The following CACNA2D1 variants were observed in gnomAD, a reference collection of about 807,000 sequenced individuals.
CACNA2D1 encodes voltage-dependent calcium channel subunit alpha-2/delta-1.
A neutral mutation model predicts 171.5 loss-of-function variants in CACNA2D1; 53 were observed. The ratio of observed to expected loss-of-function variants is 0.31; its 90% confidence interval spans 0.25 to 0.39. CACNA2D1 has a LOEUF of 0.39. Ranked by LOEUF, CACNA2D1 falls within the 10% of genes least tolerant of loss-of-function variation. The pLI, the probability that CACNA2D1 is intolerant of heterozygous loss-of-function variation, is 1.00. For missense variants in CACNA2D1, 903 were observed against 1,299.8 expected, an observed-to-expected ratio of 0.69 and a Z score of 4.69; for synonymous variants, 442 against 443.1, an observed-to-expected ratio of 1.00 and a Z score of 0.03.
chr7:81,967,965 T>C (rs537891328), intron 29 of CACNA2D1, among the ~76,000 whole-genome samples: 114 of 151,606 alleles, frequency 7.5e-4, no homozygotes, highest in African/African-American at 2.7e-3. Context: ...TATTTTAAGA[T>C]GTTTCCCTAA....
At chr7:82,289,884 T>TA (rs1371788392) in intron 3 of CACNA2D1, among the ~76,000 whole-genome samples, 12 of 152,076 alleles carry the variant, frequency 7.9e-5, no homozygotes, top group African/African-American at 2.9e-4. Context: ...GGACATGACA[T>TA]ACTGTCCCCA....
At chr7:82,306,523 T>C (rs1253938536) in intron 3 of CACNA2D1, among the ~76,000 whole-genome samples, 1 of 152,202 alleles carries the variant, frequency 6.6e-6, no homozygotes, top group African/African-American at 2.4e-5. Context: ...GACTATCCAT[T>C]GTCACAGATT....
rs1796548568 is a variant in CACNA2D1 at position 81,982,552 on chromosome 7, T to A, written c.1955+15A>T. 6.5e-7 allele frequency: 1 copy of A among 1,536,992 alleles called. No homozygotes were observed. The highest frequency in any genetic ancestry group is 2.2e-5 in the East Asian group (1 of 44,450). ...CTACTGATAGAAGATGTATCAAAAATACAACAAAACCAACCTTGGTGCTAT... is the reference window on the plus strand; with the variant it reads ...CTACTGATAGAAGATGTATCAAAAAAACAACAAAACCAACCTTGGTGCTAT... On this transcript the variant is annotated intron_variant, in intron 24 of 38. Coordinates refer to ENST00000356860, the MANE Select transcript of CACNA2D1 (RefSeq NM_000722.4).
chr7:82,020,448 TATATA>T (rs1245340282), intron 12 of CACNA2D1, among the ~76,000 whole-genome samples: 4 of 152,272 alleles, frequency 2.6e-5, no homozygotes, highest in East Asian at 1.9e-4. Flanking sequence ...ATATTATTAT[TATATA>T]ATATGATTAT....
intron 3 of CACNA2D1, among the ~76,000 whole-genome samples, chr7:82,284,690 T>A (rs79491860): frequency 0.2 from 30,810 of 152,048 alleles, 3,612 homozygotes; most frequent in Non-Finnish European, 0.25. Flanking sequence ...GCTAATGGCA[T>A]CCAGGAGAGC....
intron 10 of CACNA2D1, among the ~76,000 whole-genome samples, chr7:82,048,731 C>T (rs900989388): frequency 3.9e-5 from 6 of 152,074 alleles, no homozygotes; most frequent in African/African-American, 1.4e-4. Context: ...ATTTAAAGAA[C>T]TCTGAACAAT....
intron 4 of CACNA2D1, among the ~76,000 whole-genome samples, chr7:82,158,138 CATTT>C (rs1179238628): frequency 1.3e-5 from 2 of 151,794 alleles, no homozygotes; most frequent in African/African-American, 4.8e-5. Flanking sequence ...ATTGGATATT[CATTT>C]GAGAAATTAT....
intron 1 of CACNA2D1, among the ~76,000 whole-genome samples, chr7:82,437,358 A>C (rs919727510): frequency 2.0e-5 from 3 of 152,134 alleles, no homozygotes; most frequent in Admixed American, 2.0e-4. Flanking sequence ...AAGAGCTTCA[A>C]ATAGACAGTA....
chr7:82,096,691 T>C (rs1302771711), intron 6 of CACNA2D1, among the ~76,000 whole-genome samples: 1 of 149,570 alleles, frequency 6.7e-6, no homozygotes, highest in Non-Finnish European at 1.5e-5. Flanking sequence ...TATCCTGCAA[T>C]AACAAAACAT....
intron 1 of CACNA2D1, among the ~76,000 whole-genome samples, chr7:82,400,705 G>A (rs1826293458): frequency 1.3e-5 from 2 of 151,916 alleles, no homozygotes; most frequent in South Asian, 4.2e-4. Context: ...ATTGACAAAT[G>A]GGATCTAATT....
intron 1 of CACNA2D1, among the ~76,000 whole-genome samples, chr7:82,388,840 G>C (rs1319495577): frequency 6.6e-6 from 1 of 152,070 alleles, no homozygotes; most frequent in African/African-American, 2.4e-5. Context: ...GGTAGGCCGG[G>C]CACGGTGGCT....
At chr7:81,982,796 C>T (rs1043729345) in intron 23 of CACNA2D1, 169 bp from the exon 24 acceptor site, 2 of 676,864 alleles carry the variant, frequency 3.0e-6, no homozygotes, top group African/African-American at 1.8e-5. Flanking sequence ...CTCAATGCTT[C>T]CCAAAATAAT....
At chr7:82,215,067 C>T in intron 3 of CACNA2D1, among the ~76,000 whole-genome samples, 1 of 152,104 alleles carries the variant, frequency 6.6e-6, no homozygotes, top group East Asian at 1.9e-4. Context: ...GGTCTTAAAG[C>T]TTGAAATTTA....
intron 4 of CACNA2D1, among the ~76,000 whole-genome samples, chr7:82,144,729 T>C (rs1792785934): frequency 6.6e-6 from 1 of 152,076 alleles, no homozygotes; most frequent in South Asian, 2.1e-4. Context: ...TCAGTAATCA[T>C]TACCATTTTT....
chr7:81,974,586 A>G, intron 24 of CACNA2D1, 34 bp from the exon 25 acceptor site: 1 of 1,151,368 alleles, frequency 8.7e-7, no homozygotes, highest in Non-Finnish European at 1.3e-6. Context: ...ATTAGATATT[A>G]AAATCAAAAC....
intron 6 of CACNA2D1, among the ~76,000 whole-genome samples, chr7:82,096,903 C>T (rs1811946654): frequency 6.6e-6 from 1 of 151,982 alleles, no homozygotes. Context: ...TTTGAAGATA[C>T]TTTGAGTCTA....
intron 1 of CACNA2D1, among the ~76,000 whole-genome samples, chr7:82,366,045 T>C (rs537562498): frequency 7.2e-5 from 11 of 152,262 alleles, no homozygotes; most frequent in African/African-American, 2.6e-4. Flanking sequence ...AGGAACCAAA[T>C]GGCAAATAAT....
Position 82,111,489 on chromosome 7 carries a change from C to T in CACNA2D1, c.526+5555G>A, listed in dbSNP as rs1271104644. Reference sequence around the variant, plus strand: ...TTGAGACAGGGTCTCACTCTGTCACCCAGACTGGAGTGCAGTGGCACAATC... The same window carrying T: ...TTGAGACAGGGTCTCACTCTGTCACTCAGACTGGAGTGCAGTGGCACAATC... On this transcript the variant is annotated intron_variant, in intron 6 of 38. Transcript: ENST00000356860. Among the ~76,000 whole-genome samples, 3 of 134,468 alleles carry T rather than the reference C, an allele frequency of 2.2e-5. No homozygotes were observed. The South Asian group carries it at 6.8e-4, about 30-fold the overall frequency. 88.2% of individuals were successfully genotyped at this position (134,468 alleles called of 152,430 possible).
intron 6 of CACNA2D1, among the ~76,000 whole-genome samples, chr7:82,099,427 T>A (rs1463737897): frequency 0.021 from 131 of 6,336 alleles, 8 homozygotes; most frequent in Middle Eastern, 0.12. Context: ...ACCTTCTTTT[T>A]TTTTTTTTTT....
Sources: gnomAD v4.1 joint callset for allele counts (sites outside exome capture counted in the v4.1 genomes callset) on GRCh38, gnomAD v4.1.1 for gene constraint, MANE v1.5 for transcripts, NCBI Gene and HGNC (gene_info 2026-07-23, HGNC 2026-07-21) for gene names.